CDKN1A: variants seen among roughly 807,000 people sequenced by gnomAD.
CDKN1A encodes cyclin dependent kinase inhibitor 1A.
A neutral mutation model predicts 14.8 loss-of-function variants in CDKN1A; 14 were observed. The observed-to-expected ratio is 0.94, with a 90% CI of 0.62 to 1.48. The LOEUF (loss-of-function observed/expected upper bound fraction) is 1.48, where lower values mean the gene tolerates loss of function less well. Among genes scored for constraint, CDKN1A ranks in the 40% most tolerant of loss-of-function variants. The pLI, the probability that CDKN1A is intolerant of heterozygous loss-of-function variation, is 0.00. For missense variants in CDKN1A, 203 were observed against 231.7 expected, an observed-to-expected ratio of 0.88 and a Z score of 0.80; for synonymous variants, 92 against 93.5, an observed-to-expected ratio of 0.98 and a Z score of 0.09.
intron 1 of CDKN1A, among the ~76,000 whole-genome samples, chr6:36,679,848 G>T (rs3176332): frequency 0.029 from 3,427 of 119,418 alleles, 65 homozygotes; most frequent in South Asian, 0.071. Context: ...GGCGGGGAGG[G>T]TTCATGTCTT....
Position 36,686,108 on chromosome 6 carries a change from G to T in CDKN1A, c.*308G>T. The T allele has an allele frequency of 6.2e-6, 3 of 484,408 alleles. No individual in the cohort carries two copies. Among genetic ancestry groups the T allele is most frequent in the Non-Finnish European group, 7.5e-6 (2 of 266,668 alleles). 30.0% of individuals were successfully genotyped at this position (484,408 alleles called of 1,614,324 possible). ...TCTCTCCCGGAGGTTGGGTGGGCCG[G>T]CTTCATGCCAGCTACTTCCTCCTCC... On this transcript the variant is annotated 3_prime_UTR_variant, in exon 3 of 3. Transcript: ENST00000244741. This position sits in a 1 kb window ranked among gnomAD's most constrained non-coding sequence, Gnocchi z 4.9.
rs1761779989 is a variant in CDKN1A at position 36,678,727 on chromosome 6, C to T, written c.-77C>T. The T allele has an allele frequency of 2.0e-6, 2 of 985,410 alleles. No individual in the cohort carries two copies. The highest frequency in any genetic ancestry group is 4.7e-5 in the South Asian group (1 of 21,296). 61.0% of individuals were successfully genotyped at this position (985,410 alleles called of 1,614,324 possible). The stretch of plus-strand genomic sequence containing the variant: ...GCTGCGCCAGCTGAGGTGTGAGCAG[C>T]TGCCGAAGTCAGTTCCTTGTGGAGC... On this transcript the variant is annotated 5_prime_UTR_variant, in exon 1 of 3. Coordinates refer to ENST00000244741, the MANE Select transcript of CDKN1A (RefSeq NM_000389.5). This position sits in a 1 kb window ranked among gnomAD's most constrained non-coding sequence, Gnocchi z 5.7.
At chr6:36,685,568 G>A (rs1317964489) in intron 2 of CDKN1A, among the ~76,000 whole-genome samples, 183 bp from the exon 3 acceptor site, 1 of 152,196 alleles carries the variant, frequency 6.6e-6, no homozygotes, top group Non-Finnish European at 1.5e-5. Flanking sequence ...GAAGCATGGT[G>A]GGACACTCCA....
At chr6:36,681,614 ATG>A (rs1468909294) in intron 1 of CDKN1A, among the ~76,000 whole-genome samples, 31 of 84,850 alleles carry the variant, frequency 3.7e-4, no homozygotes, top group African/African-American at 1.3e-3. Context: ...TTTTTTTGAG[ATG>A]CGGTCTCGCT....
At chr6:36,681,890 A>G (rs1429314948) in intron 1 of CDKN1A, among the ~76,000 whole-genome samples, 1 of 151,968 alleles carries the variant, frequency 6.6e-6, no homozygotes, top group East Asian at 1.9e-4. Context: ...CACTGCACCC[A>G]ACCACCCAGC....
chr6:36,684,358 G>A lies in CDKN1A; in HGVS notation c.257G>A (p.Arg86Gln), dbSNP rs566071526. 19 of 1,613,256 alleles carry A rather than the reference G, an allele frequency of 1.2e-5. No homozygotes were observed. The East Asian group carries it at 3.1e-4, about 27-fold the overall frequency. Residue 86 changes from arginine (R) to glutamine (Q), a missense_variant, in exon 2 of 3, where the codon CGG (arginine) becomes CAG (glutamine). By Grantham distance (43) the Arg-to-Gln change is conservative. Transcript: ENST00000244741. The surrounding 1 kb of genome is among the most constrained non-coding windows in gnomAD (Gnocchi z 6.0). Reference protein sequence around the residue: ...LYLPTGPRRGRDELGGGRRPG... With the variant: ...LYLPTGPRRGQDELGGGRRPG... ...CTTCCCACGGGGCCCCGGCGAGGCC[G>A]GGATGAGTTGGGAGGAGGCAGGCGG...
At position 36,684,329 on chromosome 6, in the gene CDKN1A, C is replaced by G. The variant is rs565156632; in HGVS notation, c.228C>G (p.Leu76=). The change falls in exon 2 of 3, where the codon CTC becomes CTG. Residue 76 remains leucine, a synonymous_variant. Coordinates refer to ENST00000244741, the MANE Select transcript of CDKN1A (RefSeq NM_000389.5). This position sits in a 1 kb window ranked among gnomAD's most constrained non-coding sequence, Gnocchi z 6.0. ...TGCGGGGCCTTGGCCTGCCCAAGCT[C>G]TACCTTCCCACGGGGCCCCGGCGAG... The part of the protein sequence containing the change: ...ERVRGLGLPK[L]YLPTGPRRGR... The G allele has an allele frequency of 3.7e-6, 6 of 1,613,576 alleles. No individual in the cohort carries two copies. The African/African-American group carries it at 4.0e-5, about 11-fold the overall frequency.
chr6:36,681,796 G>A (rs528340817), intron 1 of CDKN1A, among the ~76,000 whole-genome samples: 21 of 151,740 alleles, frequency 1.4e-4, no homozygotes, highest in Admixed American at 5.3e-4. Context: ...GGGTTTCACC[G>A]TGTTAGCCAG....
Position 36,685,870 on chromosome 6 carries a change from T to G in CDKN1A, c.*70T>G, listed in dbSNP as rs1762187871. ...AAGGCCCGCTCTACATCTTCTGCCT[T>G]AGTCTCAGTTTGTGTGTCTTAATTA... On this transcript the variant is annotated 3_prime_UTR_variant, in exon 3 of 3. Coordinates refer to ENST00000244741, the MANE Select transcript of CDKN1A (RefSeq NM_000389.5). 8 of 1,363,680 alleles carry G rather than the reference T, an allele frequency of 5.9e-6. No individual in the cohort carries two copies. Among genetic ancestry groups the G allele is most frequent in the Non-Finnish European group, 8.4e-6 (8 of 953,898 alleles). The allele number at this position is 1,363,680 out of a possible 1,614,324, so 84.5% of individuals were successfully genotyped here.
At chr6:36,681,792 C>T in intron 1 of CDKN1A, among the ~76,000 whole-genome samples, 1 of 151,814 alleles carries the variant, frequency 6.6e-6, no homozygotes, top group East Asian at 1.9e-4. Flanking sequence ...GACGGGGTTT[C>T]ACCGTGTTAG....
chr6:36,682,571 G>A (rs1334230718), intron 1 of CDKN1A: 1 of 152,326 alleles, frequency 6.6e-6, no homozygotes, highest in Non-Finnish European at 1.5e-5. Flanking sequence ...GTGAGGTGGG[G>A]TGGAGCAGAT....
chr6:36,681,354 T>C (rs199986273), intron 1 of CDKN1A, among the ~76,000 whole-genome samples: 33 of 97,172 alleles, frequency 3.4e-4, no homozygotes, highest in Admixed American at 8.2e-4. Flanking sequence ...TTCTTTCTTT[T>C]TCTTTCTTTT....
Position 36,684,219 on chromosome 6 carries a change from G to C in CDKN1A, c.118G>C (p.Gly40Arg), listed in dbSNP as rs1357652719. ...LSRDCDALMA[G>R]CIQEARERWN... ...CCGCGACTGTGATGCGCTAATGGCG[G>C]GCTGCATCCAGGAGGCCCGTGAGCG... The change falls in exon 2 of 3, where the codon GGC (glycine) becomes CGC (arginine). Residue 40 changes from glycine to arginine, a missense_variant. Gly to Arg is a moderately radical substitution (Grantham distance 125, BLOSUM62 -2). Coordinates refer to ENST00000244741, the MANE Select transcript of CDKN1A (RefSeq NM_000389.5). The surrounding 1 kb of genome is among the most constrained non-coding windows in gnomAD (Gnocchi z 6.0). 5 of 1,611,824 alleles carry C rather than the reference G, an allele frequency of 3.1e-6. No individual in the cohort carries two copies. The highest frequency in any genetic ancestry group is 2.5e-6 in the Non-Finnish European group (3 of 1,179,976).
intron 1 of CDKN1A, among the ~76,000 whole-genome samples, chr6:36,681,401 C>CT (rs369433030): frequency 1.0e-5 from 1 of 96,750 alleles, no homozygotes; most frequent in African/African-American, 4.3e-5. Context: ...TTCTTTCTTT[C>CT]TTTCTTCCTT....
upstream of CDKN1A, chr6:36,677,773 C>A: frequency 1.3e-6 from 1 of 774,744 alleles, no homozygotes; most frequent in Non-Finnish European, 2.0e-6. Flanking sequence ...TTCTTTGCTG[C>A]ATGATCTGAG....
At chr6:36,679,639 TC>T (rs1371474148) in intron 1 of CDKN1A, among the ~76,000 whole-genome samples, 2 of 152,022 alleles carry the variant, frequency 1.3e-5, no homozygotes, top group African/African-American at 4.8e-5. Context: ...CCGCGTCGGG[TC>T]CCCGCTCCGC....
At chr6:36,683,698 C>G (rs542059973) in intron 1 of CDKN1A, among the ~76,000 whole-genome samples, 10 of 152,032 alleles carry the variant, frequency 6.6e-5, no homozygotes, top group Non-Finnish European at 1.5e-4. Context: ...GCCAGGGCTG[C>G]GATTAGGAAA....
intron 1 of CDKN1A, chr6:36,679,084 C>T (rs1761805375): frequency 2.8e-6 from 2 of 727,242 alleles, no homozygotes; most frequent in Non-Finnish European, 3.4e-6. Context: ...ACGCTCCCCG[C>T]CCCTGGAAAC....
In CDKN1A at chr6:36,684,656, AC is replaced by A; in HGVS notation, c.445+111del. Reference sequence around the variant, plus strand: ...TCCAGCATGCTCCAGGTAGAAGGAAACAGGCCCAGAGAGGGGAAGCAACCTC... The same window carrying A: ...TCCAGCATGCTCCAGGTAGAAGGAAAAGGCCCAGAGAGGGGAAGCAACCTC... On this transcript the variant is annotated intron_variant, in intron 2 of 2. Transcript: ENST00000244741. This position sits in a 1 kb window ranked among gnomAD's most constrained non-coding sequence, Gnocchi z 6.0. 8.9e-7 allele frequency: 1 copy of A among 1,127,408 alleles called. No homozygotes were observed. Among genetic ancestry groups the A allele is most frequent in the Non-Finnish European group, 1.3e-6 (1 of 765,108 alleles). 69.8% of individuals were successfully genotyped at this position (1,127,408 alleles called of 1,614,324 possible).
Sources: gnomAD v4.1 joint callset for allele counts (sites outside exome capture counted in the v4.1 genomes callset) on GRCh38, gnomAD v4.1.1 for gene constraint, Gnocchi (gnomAD v3.1) non-coding constraint, MANE v1.5 for transcripts, NCBI Gene and HGNC (gene_info 2026-07-23, HGNC 2026-07-21) for gene names.